LMX1A: variants seen among roughly 807,000 people sequenced by gnomAD.
LMX1A encodes LIM homeobox transcription factor 1-alpha.
A neutral mutation model predicts 49.1 loss-of-function variants in LMX1A; 15 were observed. The observed-to-expected ratio is 0.31, with a 90% CI of 0.20 to 0.47. LMX1A has a LOEUF of 0.47. Ranked by LOEUF, LMX1A falls within the 20% of genes least tolerant of loss-of-function variation. The pLI is 1.00. For synonymous variants in LMX1A, 167 were observed against 185.7 expected, an observed-to-expected ratio of 0.90 and a Z score of 0.82; for missense variants, 372 against 475.8, an observed-to-expected ratio of 0.78 and a Z score of 2.03.
chr1:165,262,592 A>G (rs1653478550), intron 3 of LMX1A, among the ~76,000 whole-genome samples: 1 of 152,162 alleles, frequency 6.6e-6, no homozygotes, highest in Admixed American at 6.5e-5. Flanking sequence ...ACCCCTTCCC[A>G]CTTGATTTCT....
intron 4 of LMX1A, among the ~76,000 whole-genome samples, chr1:165,242,489 T>G (rs1652690510): frequency 6.7e-6 from 1 of 148,156 alleles, no homozygotes; most frequent in South Asian, 2.1e-4. Flanking sequence ...AGCATTTGGA[T>G]CCCATGATAA....
rs547379335 is a variant in LMX1A, at chr1:165,337,542, C to T, written c.263+15534G>A. 2.0e-5 allele frequency among the ~76,000 whole-genome samples: 3 copies of T among 152,286 alleles called. No homozygotes were observed. The South Asian group carries it at 6.2e-4, about 32-fold the overall frequency. ...ATAAGGCCGTCATGAGGTGCATTGT[C>T]TCTTGCCATGGAGACTTGGTAAGAC... On this transcript the variant is annotated intron_variant, in intron 3 of 8. Coordinates refer to ENST00000342310, the MANE Select transcript of LMX1A (RefSeq NM_177398.4).
intron 6 of LMX1A, among the ~76,000 whole-genome samples, chr1:165,210,289 G>A (rs1190937516): frequency 6.6e-6 from 1 of 152,196 alleles, no homozygotes; most frequent in Non-Finnish European, 1.5e-5. Context: ...GGCCCTGGGA[G>A]AAGTAAGAAA....
chr1:165,344,912 C>A (rs887148374), intron 3 of LMX1A, among the ~76,000 whole-genome samples: 2 of 152,188 alleles, frequency 1.3e-5, no homozygotes, highest in Admixed American at 6.5e-5. Context: ...GAGCTGGGGG[C>A]CCCAGGCCAA....
Position 165,321,085 on chromosome 1 carries a change from G to A in LMX1A, c.263+31991C>T, listed in dbSNP as rs1420716648. On this transcript the variant is annotated intron_variant, in intron 3 of 8. Transcript: ENST00000342310. ...ATAAAAAAGAATGCAGTACTGATACGTGCTACACATGGACGAACCCTAAAA... is the reference window on the plus strand; with the variant it reads ...ATAAAAAAGAATGCAGTACTGATACATGCTACACATGGACGAACCCTAAAA... 4.6e-5 allele frequency among the ~76,000 whole-genome samples: 7 copies of A among 152,236 alleles called. 1 individual carries two copies. The highest frequency in any genetic ancestry group is 4.1e-4 in the South Asian group (2 of 4,826).
chr1:165,221,949 A>C (rs1405871502), intron 4 of LMX1A, among the ~76,000 whole-genome samples: 1 of 147,634 alleles, frequency 6.8e-6, no homozygotes, highest in Non-Finnish European at 1.5e-5. Context: ...ACACACGCAC[A>C]CGCACACACA....
chr1:165,223,030 G>T (rs1651904509), intron 4 of LMX1A, among the ~76,000 whole-genome samples: 1 of 149,338 alleles, frequency 6.7e-6, no homozygotes, highest in Non-Finnish European at 1.5e-5. Flanking sequence ...TTGGTGGTGG[G>T]GTGGGGGAGT....
At chr1:165,236,852 GTTTTT>G in intron 4 of LMX1A, among the ~76,000 whole-genome samples, 1 of 144,372 alleles carries the variant, frequency 6.9e-6, no homozygotes, top group African/African-American at 2.5e-5. Context: ...GGAGTTCAAA[GTTTTT>G]TTTTTTTTTT....
At chr1:165,343,481 G>A (rs1656145623) in intron 3 of LMX1A, among the ~76,000 whole-genome samples, 1 of 151,894 alleles carries the variant, frequency 6.6e-6, no homozygotes, top group African/African-American at 2.4e-5. Flanking sequence ...GGCCTTTCAG[G>A]TTAATTATCT....
intron 3 of LMX1A, among the ~76,000 whole-genome samples, chr1:165,301,157 A>G (rs10753673): frequency 0.77 from 109,271 of 142,468 alleles, 39,360 homozygotes; most frequent in Middle Eastern, 0.82. Context: ...GCTACACTGT[A>G]CCATCTGTGG....
At chr1:165,232,834 T>C (rs1010883757) in intron 4 of LMX1A, among the ~76,000 whole-genome samples, 8 of 152,166 alleles carry the variant, frequency 5.3e-5, no homozygotes, top group African/African-American at 1.9e-4. Flanking sequence ...TGTGACTCCT[T>C]GCATCACTGT....
chr1:165,248,908 A>G (rs1014194367), intron 4 of LMX1A, among the ~76,000 whole-genome samples: 1 of 152,210 alleles, frequency 6.6e-6, no homozygotes, highest in Admixed American at 6.5e-5. Context: ...ATTAGCAGAC[A>G]TGATGTGTGC....
At chr1:165,325,710 C>T (rs990783233) in intron 3 of LMX1A, among the ~76,000 whole-genome samples, 9 of 152,042 alleles carry the variant, frequency 5.9e-5, no homozygotes, top group African/African-American at 1.9e-4. Flanking sequence ...TCTTTGAGAG[C>T]GTGAGACTGA....
At chr1:165,241,813 A>T (rs1436826328) in intron 4 of LMX1A, among the ~76,000 whole-genome samples, 1 of 152,238 alleles carries the variant, frequency 6.6e-6, no homozygotes, top group East Asian at 1.9e-4. Context: ...ATTGAAAAAA[A>T]CAGTTCCAAG....
intron 4 of LMX1A, among the ~76,000 whole-genome samples, chr1:165,242,206 C>G (rs1288369387): frequency 6.6e-6 from 1 of 152,204 alleles, no homozygotes; most frequent in African/African-American, 2.4e-5. Context: ...AGTGAAGCAG[C>G]ATAAGCCTCG....
chr1:165,250,810 T>C (rs2102639091), intron 3 of LMX1A, among the ~76,000 whole-genome samples: 1 of 152,262 alleles, frequency 6.6e-6, no homozygotes, highest in East Asian at 1.9e-4. Context: ...GTGCATTTAG[T>C]ATGTATTCAA....
intron 3 of LMX1A, among the ~76,000 whole-genome samples, chr1:165,272,255 C>T (rs1653818204): frequency 2.6e-5 from 4 of 152,154 alleles, no homozygotes; most frequent in Non-Finnish European, 5.9e-5. Flanking sequence ...ATCCTCACTG[C>T]CTATCATACT....
chr1:165,241,726 C>T (rs1652662316), intron 4 of LMX1A, among the ~76,000 whole-genome samples: 1 of 152,170 alleles, frequency 6.6e-6, no homozygotes, highest in South Asian at 2.1e-4. Context: ...TGTGAGTTAA[C>T]TGCTGCTTCT....
rs925091519 is a variant in LMX1A, at chr1:165,204,801, T to C, written c.989-761A>G. Among the ~76,000 whole-genome samples, 18 of 152,328 alleles carry C rather than the reference T, an allele frequency of 1.2e-4. No individual in the cohort carries two copies. The South Asian group carries it at 3.5e-3, about 30-fold the overall frequency. On this transcript the variant is annotated intron_variant, in intron 8 of 8. Coordinates refer to ENST00000342310, the MANE Select transcript of LMX1A (RefSeq NM_177398.4). ...AAAAGAATTTGCAAAAAAATGTGTT[T>C]GCCCTGTTTTCCGATAGCTGTGGAG...
Sources: allele counts gnomAD v4.1 joint callset (sites outside exome capture counted in the v4.1 genomes callset), GRCh38; gene constraint gnomAD v4.1.1; transcripts MANE v1.5; gene names NCBI Gene and HGNC (gene_info 2026-07-23, HGNC 2026-07-21).